SNX29: variants seen among roughly 807,000 people sequenced by gnomAD.
The protein encoded by SNX29 is sorting nexin-29.
SNX29 carries 78 observed loss-of-function variants against 102.1 expected under a neutral mutation model. That is an observed-to-expected ratio of 0.76 (90% CI 0.64 to 0.92). The LOEUF is 0.92. Ranked by LOEUF, SNX29 falls within the 40% of genes least tolerant of loss-of-function variation. The pLI is 0.00. For missense variants in SNX29, 1,280 were observed against 1,061.7 expected (o/e 1.21, Z -2.86); for synonymous variants, 580 against 414.5 (o/e 1.40, Z -4.85).
chr16:12,276,207 T>G (rs531662044), intron 14 of SNX29, among the ~76,000 whole-genome samples: 19 of 152,302 alleles, frequency 1.2e-4, no homozygotes, highest in South Asian at 1.0e-3. Flanking sequence ...ATTGACATTT[T>G]AATGGGATTT....
intron 13 of SNX29, among the ~76,000 whole-genome samples, chr16:12,137,057 C>A (rs1486145744): frequency 6.6e-6 from 1 of 152,108 alleles, no homozygotes; most frequent in Admixed American, 6.5e-5. Context: ...GACTTTTTAG[C>A]GGGCATGTTA....
intron 3 of SNX29, among the ~76,000 whole-genome samples, chr16:12,022,293 C>A (rs572115990): frequency 1.3e-5 from 2 of 151,524 alleles, no homozygotes; most frequent in Non-Finnish European, 2.9e-5. Flanking sequence ...CTCCGCCTCC[C>A]GGGTTCAAGC....
intron 16 of SNX29, among the ~76,000 whole-genome samples, chr16:12,379,650 G>C (rs2083003693): frequency 6.6e-6 from 1 of 152,234 alleles, no homozygotes; most frequent in Admixed American, 6.5e-5. Context: ...ATTGCACTAT[G>C]CCTGGCATTT....
intron 19 of SNX29, among the ~76,000 whole-genome samples, chr16:12,483,437 C>A (rs547556079): frequency 1.3e-5 from 2 of 151,720 alleles, no homozygotes; most frequent in East Asian, 3.9e-4. Context: ...GCTGCCTCAG[C>A]CTCCTGAGTA....
In SNX29 at chr16:12,137,019, C is replaced by T. The variant is rs548740357; in HGVS notation, c.1595+7261C>T. On this transcript the variant is annotated intron_variant, in intron 13 of 20. Transcript: ENST00000566228. The stretch of plus-strand genomic sequence containing the variant: ...CCTCCCAAAGTGCTGGTATTACAGG[C>T]GTGAGCCACGGTGCCCAGCCTAGGA... 4.6e-5 allele frequency among the ~76,000 whole-genome samples: 7 copies of T among 152,290 alleles called. No homozygotes were observed. In the East Asian group the frequency reaches 7.7e-4, roughly 17 times the overall value.
chr16:12,222,538 C>T (rs548468434), intron 14 of SNX29, among the ~76,000 whole-genome samples: 2 of 152,144 alleles, frequency 1.3e-5, no homozygotes, highest in African/African-American at 4.8e-5. Context: ...CTGGCTACTT[C>T]ATATCTGGGT....
intron 15 of SNX29, among the ~76,000 whole-genome samples, chr16:12,349,025 T>C (rs564947390): frequency 1.1e-4 from 17 of 152,306 alleles, no homozygotes; most frequent in African/African-American, 4.1e-4. Context: ...TTTAAAAGTC[T>C]TGTGGCCTCC....
At position 12,274,584 on chromosome 16, in the gene SNX29, C is replaced by T. The variant is rs942256766; in HGVS notation, c.1679-3349C>T. Among the ~76,000 whole-genome samples, 7 of 150,874 alleles carry T rather than the reference C, an allele frequency of 4.6e-5. No homozygotes were observed. The South Asian group carries it at 6.3e-4, about 14-fold the overall frequency. On this transcript the variant is annotated intron_variant, in intron 14 of 20. Coordinates refer to ENST00000566228, the MANE Select transcript of SNX29 (RefSeq NM_032167.5). ...CAGAGTCTTGCTCTGTGGCCCAGGA[C>T]GGAGTGCAGCTATGCCATCTCAGTT...
chr16:12,557,888 A>G (rs568064049), intron 20 of SNX29, among the ~76,000 whole-genome samples: 3 of 152,302 alleles, frequency 2.0e-5, no homozygotes, highest in Admixed American at 2.0e-4. Flanking sequence ...GGGCCTCTGC[A>G]GGCAACTGGA....
intron 13 of SNX29, among the ~76,000 whole-genome samples, chr16:12,138,830 T>C (rs2054758955): frequency 6.6e-6 from 1 of 152,088 alleles, no homozygotes; most frequent in African/African-American, 2.4e-5. Flanking sequence ...CTCTTGACTT[T>C]CTAGGTATGT....
chr16:12,296,373 T>A (rs1012576008), intron 15 of SNX29, among the ~76,000 whole-genome samples: 20 of 151,822 alleles, frequency 1.3e-4, no homozygotes, highest in African/African-American at 4.6e-4. Context: ...CCCTTATATA[T>A]GGGGAGAAGA....
rs199859557 is a variant in SNX29, at chr16:12,129,633, A to G, written c.1470A>G (p.Ser490=). ...AGATGGGTCCCTCTCTTCCCAGATC[A>G]CTGCGAAACCTGCTCGACGGTGAGA... is the stretch of plus-strand genomic sequence containing the variant. The part of the protein sequence containing the change: ...RKDELEEENR[S]LRNLLDGEME... The change falls in exon 13 of 21, where the codon TCA becomes TCG. Residue 490 remains serine, a synonymous_variant. Transcript: ENST00000566228. The G allele has an allele frequency of 1.9e-6, 3 of 1,609,286 alleles. No homozygotes were observed. Among genetic ancestry groups the G allele is most frequent in the Non-Finnish European group, 2.5e-6 (3 of 1,178,320 alleles).
chr16:12,257,883 T>G (rs2078622037), intron 14 of SNX29, among the ~76,000 whole-genome samples: 1 of 152,136 alleles, frequency 6.6e-6, no homozygotes, highest in Admixed American at 6.6e-5. Flanking sequence ...GGAGTCATCC[T>G]GTGTTTTTCC....
chr16:12,242,503 G>T (rs908659615), intron 14 of SNX29, among the ~76,000 whole-genome samples: 1 of 151,284 alleles, frequency 6.6e-6, no homozygotes, highest in Non-Finnish European at 1.5e-5. Context: ...AGAATTAGTC[G>T]GCTAAGTTTC....
intron 15 of SNX29, among the ~76,000 whole-genome samples, chr16:12,321,288 A>G (rs1479261731): frequency 6.6e-6 from 1 of 152,176 alleles, no homozygotes; most frequent in Non-Finnish European, 1.5e-5. Context: ...CCTCCCCCTC[A>G]GAACAGGGAC....
intron 11 of SNX29, among the ~76,000 whole-genome samples, chr16:12,097,693 C>G (rs544083658): frequency 1.3e-5 from 2 of 152,308 alleles, no homozygotes; most frequent in African/African-American, 4.8e-5. Flanking sequence ...AACTTTTGGT[C>G]TGGAGGTTTC....
intron 15 of SNX29, among the ~76,000 whole-genome samples, chr16:12,348,031 T>C (rs1567463485): frequency 6.6e-6 from 1 of 152,020 alleles, no homozygotes; most frequent in East Asian, 1.9e-4. Context: ...TGAGCTGTGA[T>C]TGCACCACTG....
chr16:12,006,540 A>G (rs1255308817), intron 3 of SNX29, among the ~76,000 whole-genome samples: 1 of 151,328 alleles, frequency 6.6e-6, no homozygotes, highest in Non-Finnish European at 1.5e-5. Flanking sequence ...AAAAAGCAAT[A>G]ATAATAGTTA....
At chr16:12,065,166 G>A (rs2050973225) in intron 9 of SNX29, among the ~76,000 whole-genome samples, 1 of 152,172 alleles carries the variant, frequency 6.6e-6, no homozygotes, top group Non-Finnish European at 1.5e-5. Flanking sequence ...CTTTTCTTGG[G>A]TGACAGAGCC....
Sources: allele counts gnomAD v4.1 joint callset (sites outside exome capture counted in the v4.1 genomes callset), GRCh38; gene constraint gnomAD v4.1.1; transcripts MANE v1.5; gene names NCBI Gene and HGNC (gene_info 2026-07-23, HGNC 2026-07-21).